The following INTS9 variants were observed in gnomAD, a reference collection of about 807,000 sequenced individuals.
The protein encoded by INTS9 is integrator complex subunit 9.
INTS9 carries 55 observed loss-of-function variants against 79.7 expected under a neutral mutation model. That is an observed-to-expected ratio of 0.69 (90% CI 0.56 to 0.86). INTS9 has a LOEUF of 0.86. INTS9 is among the 40% of genes least tolerant of loss of function. The pLI is 0.00. For synonymous variants in INTS9, 319 were observed against 325.2 expected (o/e 0.98, Z 0.20); for missense variants, 721 against 831.5 (o/e 0.87, Z 1.64).
intron 1 of INTS9, among the ~76,000 whole-genome samples, chr8:28,868,440 T>C (rs766651233): frequency 1.3e-5 from 2 of 152,130 alleles, no homozygotes; most frequent in Non-Finnish European, 2.9e-5. Flanking sequence ...TGCACAGTCA[T>C]AAAGAAACTG....
chr8:28,868,927 C>T (rs1334990664), intron 1 of INTS9, among the ~76,000 whole-genome samples: 3 of 151,994 alleles, frequency 2.0e-5, no homozygotes, highest in Non-Finnish European at 4.4e-5. Flanking sequence ...GGCGAAACCC[C>T]GTCTCTACTA....
intron 11 of INTS9, among the ~76,000 whole-genome samples, chr8:28,785,724 C>G (rs140589965): frequency 4.7e-4 from 71 of 152,324 alleles, no homozygotes; most frequent in African/African-American, 1.7e-3. Context: ...CCCAGGCCCT[C>G]TGTGTGGCCA....
chr8:28,788,778 A>C (rs1803762889), intron 10 of INTS9, among the ~76,000 whole-genome samples: 1 of 152,256 alleles, frequency 6.6e-6, no homozygotes. Context: ...AAAGGATCAC[A>C]GGCTAGAGAC....
At chr8:28,812,990 C>T (rs1387102945) in intron 7 of INTS9, among the ~76,000 whole-genome samples, 1 of 152,214 alleles carries the variant, frequency 6.6e-6, no homozygotes, top group East Asian at 1.9e-4. Context: ...TGTCCCCAGG[C>T]ACTCAAGGTT....
chr8:28,774,495 T>G lies in INTS9; in HGVS notation c.1563+1264A>C, dbSNP rs552855822. ...AACCAAGGCCGTCAATCCCAGCCCC[T>G]GTAAAATACCAGACAAAAACAATCC... On this transcript the variant is annotated intron_variant, in intron 14 of 16. Coordinates refer to ENST00000521022, the MANE Select transcript of INTS9 (RefSeq NM_018250.4). 2.6e-5 allele frequency among the ~76,000 whole-genome samples: 4 copies of G among 152,252 alleles called. No individual in the cohort carries two copies. The East Asian group carries it at 7.7e-4, about 29-fold the overall frequency.
intron 1 of INTS9, among the ~76,000 whole-genome samples, chr8:28,880,517 T>C (rs1359681251): frequency 3.3e-5 from 5 of 151,732 alleles, no homozygotes; most frequent in Non-Finnish European, 7.4e-5. Flanking sequence ...AGCCTCGGCC[T>C]CCCGAGGTGC....
intron 10 of INTS9, among the ~76,000 whole-genome samples, chr8:28,788,715 G>C (rs1275765332): frequency 1.3e-5 from 2 of 152,184 alleles, no homozygotes; most frequent in Non-Finnish European, 2.9e-5. Context: ...CACTGTGCCT[G>C]GCCCTCACAC....
At chr8:28,808,256 C>T (rs906557209) in intron 8 of INTS9, among the ~76,000 whole-genome samples, 4 of 148,830 alleles carry the variant, frequency 2.7e-5, no homozygotes, top group Non-Finnish European at 4.4e-5. Context: ...TGTAATAGTG[C>T]GATCTCGGCT....
At chr8:28,877,534 C>T (rs534789321) in intron 1 of INTS9, among the ~76,000 whole-genome samples, 15 of 152,184 alleles carry the variant, frequency 9.9e-5, no homozygotes, top group African/African-American at 2.9e-4. Context: ...CCCTTTGAAC[C>T]ATCAATTTCA....
At chr8:28,855,634 C>CCT (rs1808108389) in intron 2 of INTS9, among the ~76,000 whole-genome samples, 1 of 152,172 alleles carries the variant, frequency 6.6e-6, no homozygotes. Context: ...GAAATGACAG[C>CCT]TAAATGCAAT....
intron 1 of INTS9, among the ~76,000 whole-genome samples, chr8:28,871,654 C>T (rs1259142738): frequency 6.6e-6 from 1 of 152,116 alleles, no homozygotes; most frequent in East Asian, 1.9e-4. Context: ...AATCCGCTCA[C>T]CTCGGCCTTC....
intron 4 of INTS9, among the ~76,000 whole-genome samples, chr8:28,844,474 A>G (rs1435905823): frequency 6.6e-6 from 1 of 152,278 alleles, no homozygotes; most frequent in East Asian, 1.9e-4. Flanking sequence ...AGGAAGGCGG[A>G]GGTTGCAGTG....
intron 9 of INTS9, among the ~76,000 whole-genome samples, chr8:28,795,613 C>A (rs1804163885): frequency 7.8e-6 from 1 of 128,838 alleles, no homozygotes; most frequent in Admixed American, 1.0e-4. Context: ...GCACTCTAGC[C>A]TGGGCAACAG....
Position 28,793,975 on chromosome 8 carries a change from C to A in INTS9, c.869G>T (p.Arg290Leu). The change falls in exon 10 of 17, where the codon CGG becomes CTG. Residue 290 changes from arginine to leucine, a missense_variant. By Grantham distance (102) the Arg-to-Leu change is moderately radical (BLOSUM62 -2). Transcript: ENST00000521022. ...GGGAACCAACACGTTTCCTCCATTC[C>A]GGACTGTCAGAGCTAGAAAAGTGGA... ...EFCSNLALTV[R>L]NGGNVLVPCY... is the part of the protein sequence containing the mutation. 6.3e-7 allele frequency: 1 copy of A among 1,592,436 alleles called. No homozygotes were observed. The highest frequency in any genetic ancestry group is 8.6e-7 in the Non-Finnish European group (1 of 1,166,494).
intron 1 of INTS9, among the ~76,000 whole-genome samples, chr8:28,887,038 T>A (rs1054434491): frequency 6.6e-6 from 1 of 152,128 alleles, no homozygotes; most frequent in African/African-American, 2.4e-5. Context: ...AGAATCTACA[T>A]GGGGGAGGAC....
At chr8:28,863,697 A>C (rs915498618) in intron 1 of INTS9, among the ~76,000 whole-genome samples, 1 of 152,168 alleles carries the variant, frequency 6.6e-6, no homozygotes, top group African/African-American at 2.4e-5. Context: ...CAGGAGAATC[A>C]TTTGAGCCCA....
intron 1 of INTS9, among the ~76,000 whole-genome samples, chr8:28,866,845 G>A (rs1390049455): frequency 6.6e-6 from 1 of 152,038 alleles, no homozygotes; most frequent in African/African-American, 2.4e-5. Context: ...CATGGTGGCG[G>A]GAGCCTGTAG....
intron 1 of INTS9, among the ~76,000 whole-genome samples, chr8:28,881,823 AGGGT>A (rs1809845005): frequency 8.0e-6 from 1 of 125,556 alleles, no homozygotes; most frequent in African/African-American, 3.1e-5. Flanking sequence ...CCCGTCCGGG[AGGGT>A]GGTGGGGGGG....
chr8:28,881,794 C>G (rs1444279935), intron 1 of INTS9, among the ~76,000 whole-genome samples: 7,871 of 92,898 alleles, frequency 0.085, no homozygotes, highest in Admixed American at 0.12. Context: ...GTGAGGAGCC[C>G]CTCTGCCTGG....
Sources: gnomAD v4.1 joint callset for allele counts (sites outside exome capture counted in the v4.1 genomes callset) on GRCh38, gnomAD v4.1.1 for gene constraint, MANE v1.5 for transcripts, NCBI Gene and HGNC (gene_info 2026-07-23, HGNC 2026-07-21) for gene names.